VTI1A: variants seen among roughly 807,000 people sequenced by gnomAD.
VTI1A encodes vesicle transport through interaction with t-SNAREs homolog 1A.
VTI1A carries 22 observed loss-of-function variants against 34.9 expected under a neutral mutation model. The ratio of observed to expected loss-of-function variants is 0.63; its 90% CI spans 0.45 to 0.90. VTI1A has a LOEUF of 0.90. VTI1A is among the 40% of genes least tolerant of loss of function. The pLI, the probability that VTI1A is intolerant of heterozygous loss-of-function variation, is 0.00. For missense variants in VTI1A, 268 were observed against 275.6 expected, an observed-to-expected ratio of 0.97 and a Z score of 0.20; for synonymous variants, 87 against 97.3, an observed-to-expected ratio of 0.89 and a Z score of 0.62.
At chr10:112,708,084 G>C (rs1849263432) in intron 7 of VTI1A, among the ~76,000 whole-genome samples, 1 of 152,164 alleles carries the variant, frequency 6.6e-6, no homozygotes, top group Non-Finnish European at 1.5e-5. Flanking sequence ...GTTCTATCCT[G>C]ATAACATTGA....
chr10:112,620,937 A>C lies in VTI1A; in HGVS notation c.428-47281A>C, dbSNP rs61872371. On this transcript the variant is annotated intron_variant, in intron 5 of 7. Transcript: ENST00000393077. ...TTAGGTGAGCAATGCGGCATTCCAG[A>C]CCGGGACTATTGGCAGAGCCTTTGA... Among the ~76,000 whole-genome samples the C allele has an allele frequency of 6.2e-3, 949 of 152,298 alleles. 6 individuals are homozygous for C. The highest frequency in any genetic ancestry group is 9.7e-3 in the Non-Finnish European group (661 of 68,006).
At chr10:112,834,765 G>A in the VTI1A span, among the ~76,000 whole-genome samples, 11 of 152,228 alleles carry the variant, frequency 7.2e-5, no homozygotes, top group East Asian at 3.9e-4. Context: ...GAAGCCGGGC[G>A]TTTGCTGAGT....
intron 7 of VTI1A, among the ~76,000 whole-genome samples, chr10:112,712,141 A>G (rs146736950): frequency 2.6e-5 from 4 of 152,178 alleles, no homozygotes; most frequent in Non-Finnish European, 4.4e-5. Context: ...ATGCTGTTCC[A>G]TCCTCTTCAG....
intron 5 of VTI1A, among the ~76,000 whole-genome samples, chr10:112,663,710 C>T (rs1200896995): frequency 6.6e-6 from 1 of 152,130 alleles, no homozygotes; most frequent in Admixed American, 6.6e-5. Context: ...GAGTGACTGA[C>T]CCAACCACTC....
intron 5 of VTI1A, among the ~76,000 whole-genome samples, chr10:112,552,811 A>C (rs1851408536): frequency 6.6e-6 from 1 of 152,114 alleles, no homozygotes; most frequent in Non-Finnish European, 1.5e-5. Context: ...TAGTTCTTTA[A>C]ATTCATACTG....
At chr10:112,629,500 A>G (rs1846052821) in intron 5 of VTI1A, among the ~76,000 whole-genome samples, 1 of 152,184 alleles carries the variant, frequency 6.6e-6, no homozygotes, top group African/African-American at 2.4e-5. Flanking sequence ...TCTTTTAAAA[A>G]CAGGACCTTT....
intron 7 of VTI1A, among the ~76,000 whole-genome samples, chr10:112,810,873 T>A (rs566087367): frequency 6.6e-6 from 1 of 152,316 alleles, no homozygotes; most frequent in South Asian, 2.1e-4. Flanking sequence ...CTCCTGATTC[T>A]TCAGTGAAAA....
At chr10:112,515,054 G>T (rs986866015) in intron 3 of VTI1A, among the ~76,000 whole-genome samples, 5 of 151,940 alleles carry the variant, frequency 3.3e-5, no homozygotes, top group Admixed American at 2.6e-4. Flanking sequence ...ATTTACATTT[G>T]AAAAATTGAA....
chr10:112,779,519 A>G (rs76822575), intron 7 of VTI1A, among the ~76,000 whole-genome samples: 2 of 152,316 alleles, frequency 1.3e-5, no homozygotes, highest in East Asian at 3.9e-4. Context: ...AAGCTTTTAT[A>G]TACTCATGCC....
chr10:112,646,238 C>T lies in VTI1A; in HGVS notation c.428-21980C>T, dbSNP rs575000794. Reference sequence around the variant, plus strand: ...ATATTATGTGCATTCTGAAAAAAACCAAAACAAAAACTTGGAAGTTAAAAA... The same window carrying T: ...ATATTATGTGCATTCTGAAAAAAACTAAAACAAAAACTTGGAAGTTAAAAA... On this transcript the variant is annotated intron_variant, in intron 5 of 7. Coordinates refer to ENST00000393077, the MANE Select transcript of VTI1A (RefSeq NM_145206.4). Among the ~76,000 whole-genome samples, 86 of 151,634 alleles carry T rather than the reference C, an allele frequency of 5.7e-4. 1 individual carries two copies. The highest frequency in any genetic ancestry group is 2.1e-3 in the African/African-American group (86 of 41,354).
chr10:112,494,517 C>T (rs1223413184), intron 3 of VTI1A, among the ~76,000 whole-genome samples: 2 of 151,936 alleles, frequency 1.3e-5, no homozygotes, highest in Admixed American at 6.6e-5. Flanking sequence ...TTCCTTTCCT[C>T]CTTCTTTCCT....
At chr10:112,686,795 G>A (rs562988613) in intron 7 of VTI1A, among the ~76,000 whole-genome samples, 3 of 152,096 alleles carry the variant, frequency 2.0e-5, no homozygotes, top group Non-Finnish European at 2.9e-5. Flanking sequence ...CTTTTCACAC[G>A]TTATTTCCTC....
chr10:112,520,584 T>C (rs1849977997), intron 3 of VTI1A, among the ~76,000 whole-genome samples: 1 of 151,136 alleles, frequency 6.6e-6, no homozygotes, highest in East Asian at 1.9e-4. Flanking sequence ...ATAGTTATTA[T>C]TCCATATGGA....
At chr10:112,712,474 T>TCACACACACACACACACACACA (rs60129148) in intron 7 of VTI1A, among the ~76,000 whole-genome samples, 32 of 143,480 alleles carry the variant, frequency 2.2e-4, no homozygotes, top group African/African-American at 6.6e-4. Context: ...TCAACTATTA[T>TCACACACACACACACACACACA]CACACACACA....
In VTI1A at chr10:112,811,712, A is replaced by AAAAAAG. The variant is rs67154330; in HGVS notation, c.561-3578_561-3577insAAAAAG. On this transcript the variant is annotated intron_variant, in intron 7 of 7. Transcript: ENST00000393077. ...AAAAAAAAAAAAAAAAAAAAAAAAA[A>AAAAAAG]GAGTGCAGTCCATGCCTGGAAGTAG... is the stretch of plus-strand genomic sequence containing the variant. 2.4e-5 allele frequency among the ~76,000 whole-genome samples: 2 copies of AAAAAAG among 84,066 alleles called. 1 individual carries two copies. Among genetic ancestry groups the AAAAAAG allele is most frequent in the Non-Finnish European group, 4.5e-5 (2 of 44,332 alleles). The allele number at this position is 84,066 out of a possible 152,430, so 55.2% of individuals were successfully genotyped here.
intron 3 of VTI1A, among the ~76,000 whole-genome samples, chr10:112,475,320 TG>T (rs1424459831): frequency 6.6e-6 from 1 of 152,284 alleles, no homozygotes; most frequent in Non-Finnish European, 1.5e-5. Flanking sequence ...AAGCATGTCC[TG>T]ATACAGATAT....
intron 3 of VTI1A, among the ~76,000 whole-genome samples, chr10:112,514,073 G>A (rs967573654): frequency 2.0e-5 from 3 of 151,936 alleles, no homozygotes; most frequent in Non-Finnish European, 2.9e-5. Flanking sequence ...GGAAGAGTTC[G>A]AGAAGAATTG....
At chr10:112,533,340 T>G (rs746042282) in intron 4 of VTI1A, among the ~76,000 whole-genome samples, 13 of 152,082 alleles carry the variant, frequency 8.5e-5, no homozygotes, top group Admixed American at 1.3e-4. Flanking sequence ...AAAGTGATCT[T>G]TATTCGTTCA....
At chr10:112,457,441 G>A (rs1282308282) in intron 1 of VTI1A, among the ~76,000 whole-genome samples, 1 of 152,228 alleles carries the variant, frequency 6.6e-6, no homozygotes, top group Non-Finnish European at 1.5e-5. Flanking sequence ...GGTTGTTCAT[G>A]TGAGGGATAA....
Sources: allele counts gnomAD v4.1 joint callset (sites outside exome capture counted in the v4.1 genomes callset), GRCh38; gene constraint gnomAD v4.1.1; transcripts MANE v1.5; gene names NCBI Gene and HGNC (gene_info 2026-07-23, HGNC 2026-07-21).